OCA2: variants seen among roughly 807,000 people sequenced by gnomAD.
OCA2 encodes the protein P protein.
A neutral mutation model predicts 100.2 loss-of-function variants in OCA2; 77 were observed. That is an observed-to-expected ratio of 0.77 (90% CI 0.64 to 0.93). The LOEUF (loss-of-function observed/expected upper bound fraction) is 0.93. Among genes scored for constraint, OCA2 ranks in the 40% least tolerant of loss-of-function variants. The pLI, the probability that OCA2 is intolerant of heterozygous loss-of-function variation, is 0.00. For missense variants in OCA2, 1,062 were observed against 1,089.1 expected, an observed-to-expected ratio of 0.98 and a Z score of 0.35; for synonymous variants, 432 against 439.2, an observed-to-expected ratio of 0.98 and a Z score of 0.21.
intron 14 of OCA2, among the ~76,000 whole-genome samples, chr15:27,976,615 T>C (rs1437759993): frequency 6.6e-6 from 1 of 152,204 alleles, no homozygotes; most frequent in Non-Finnish European, 1.5e-5. Flanking sequence ...TTGGTTAAGA[T>C]GTATTACCTA....
chr15:27,865,768 C>T (rs966474724), intron 21 of OCA2, among the ~76,000 whole-genome samples: 1 of 152,134 alleles, frequency 6.6e-6, no homozygotes, highest in Non-Finnish European at 1.5e-5. Flanking sequence ...GGCAAGGAGG[C>T]GGCACTGCCT....
chr15:27,737,544 CA>C, the OCA2 span, among the ~76,000 whole-genome samples: 3 of 151,838 alleles, frequency 2.0e-5, no homozygotes, highest in African/African-American at 7.3e-5. Flanking sequence ...ATATCCATAC[CA>C]AAAAAATGCT....
At chr15:27,733,265 G>T in the OCA2 span, among the ~76,000 whole-genome samples, 3 of 152,158 alleles carry the variant, frequency 2.0e-5, no homozygotes, top group African/African-American at 7.2e-5. Flanking sequence ...CTTTGAAAAT[G>T]TAAGTAAGGT....
chr15:27,789,945 T>C (rs904617174), intron 23 of OCA2, among the ~76,000 whole-genome samples: 1 of 152,158 alleles, frequency 6.6e-6, no homozygotes, highest in African/African-American at 2.4e-5. Context: ...ATTCATCAAC[T>C]GAACTTTATC....
At chr15:27,763,056 A>G (rs2150998920) in intron 23 of OCA2, among the ~76,000 whole-genome samples, 1 of 152,336 alleles carries the variant, frequency 6.6e-6, no homozygotes, top group East Asian at 1.9e-4. Context: ...ATACTTCTAG[A>G]GCAATTGGGT....
chr15:28,031,506 C>T (rs943104014), intron 3 of OCA2, among the ~76,000 whole-genome samples: 1 of 152,246 alleles, frequency 6.6e-6, no homozygotes, highest in Non-Finnish European at 1.5e-5. Flanking sequence ...TCCAGGACAG[C>T]TCTCCTCAGG....
chr15:28,062,624 C>T (rs1444404451), intron 2 of OCA2, among the ~76,000 whole-genome samples: 1 of 152,124 alleles, frequency 6.6e-6, no homozygotes, highest in Non-Finnish European at 1.5e-5. Context: ...ATCTAAGATA[C>T]TGCATAATTC....
At chr15:27,990,745 G>T in intron 9 of OCA2, 98 bp from the exon 10 acceptor site, 1 of 978,854 alleles carries the variant, frequency 1.0e-6, no homozygotes, top group Non-Finnish European at 1.6e-6. Flanking sequence ...ATCTGCCACT[G>T]TGTACCACAT....
the OCA2 span, among the ~76,000 whole-genome samples, chr15:27,734,535 T>A: frequency 2.4e-4 from 36 of 152,236 alleles, no homozygotes; most frequent in African/African-American, 8.4e-4. Flanking sequence ...ACCAGACAGA[T>A]CCCCATGGAC....
intron 15 of OCA2, among the ~76,000 whole-genome samples, chr15:27,960,371 T>C (rs2140741631): frequency 6.6e-6 from 1 of 152,284 alleles, no homozygotes; most frequent in South Asian, 2.1e-4. Flanking sequence ...AGATATAAGA[T>C]ATATCATAAA....
intron 14 of OCA2, among the ~76,000 whole-genome samples, chr15:27,975,594 ACTTATGTGTGGG>A (rs1183412914): frequency 1.3e-5 from 2 of 151,834 alleles, no homozygotes; most frequent in African/African-American, 4.8e-5. Flanking sequence ...TCAGTAGTTC[ACTTATGTGTGGG>A]CCTGTATCTA....
chr15:28,016,249 G>A lies in OCA2; in HGVS notation c.808-63C>T, dbSNP rs987469932. 2.8e-4 allele frequency: 337 copies of A among 1,222,082 alleles called. 2 individuals carry two copies. Among genetic ancestry groups the A allele is most frequent in the Non-Finnish European group, 4.9e-5 (40 of 823,762 alleles). 75.7% of individuals were successfully genotyped at this position (1,222,082 alleles called of 1,614,324 possible). A position where few individuals can be genotyped will look rare whatever the true frequency, so the allele number is the denominator to read the frequency against. ...CACCTGAGACACCATCTGGGATCTG[G>A]CACTGCTCGGTCTAGGTATTTGTTT... On this transcript the variant is annotated intron_variant, in intron 7 of 23. Transcript: ENST00000354638.
chr15:28,081,990 C>T (rs948198777), intron 1 of OCA2, 95 bp from the exon 2 acceptor site: 47 of 1,032,070 alleles, frequency 4.6e-5, no homozygotes, highest in Middle Eastern at 2.9e-4. Context: ...GTTGCTTCTT[C>T]GGAGGCGGTC....
chr15:27,841,329 C>A (rs560647123), intron 23 of OCA2, among the ~76,000 whole-genome samples: 21 of 152,160 alleles, frequency 1.4e-4, no homozygotes, highest in Non-Finnish European at 2.8e-4. Flanking sequence ...CTGGAAAAGG[C>A]CAGCATAAGG....
At chr15:28,024,655 C>T (rs1225771161) in intron 5 of OCA2, among the ~76,000 whole-genome samples, 190 bp downstream of exon 5, 1 of 152,236 alleles carries the variant, frequency 6.6e-6, no homozygotes, top group Admixed American at 6.5e-5. Flanking sequence ...CAGAGGAGCA[C>T]AGCTGCGGCC....
At chr15:27,915,707 T>C (rs2038641513) in intron 19 of OCA2, among the ~76,000 whole-genome samples, 1 of 152,028 alleles carries the variant, frequency 6.6e-6, no homozygotes, top group South Asian at 2.1e-4. Flanking sequence ...ATAACAGATG[T>C]TGGTGAGGTT....
intron 23 of OCA2, among the ~76,000 whole-genome samples, chr15:27,789,913 G>A (rs890492222): frequency 6.6e-6 from 1 of 151,978 alleles, no homozygotes; most frequent in East Asian, 1.9e-4. Context: ...TAATACTAAA[G>A]GCATGATCCC....
intron 21 of OCA2, among the ~76,000 whole-genome samples, chr15:27,866,899 G>T (rs1452198665): frequency 6.6e-6 from 1 of 152,190 alleles, no homozygotes; most frequent in African/African-American, 2.4e-5. Context: ...TGCTCCAGAG[G>T]CCAGTCTGGA....
intron 21 of OCA2, among the ~76,000 whole-genome samples, chr15:27,859,652 T>C (rs1356684413): frequency 1.3e-5 from 2 of 152,174 alleles, no homozygotes; most frequent in African/African-American, 4.8e-5. Context: ...GAAGAGGGAA[T>C]ACTTCCTAAC....
Sources: gnomAD v4.1 joint callset for allele counts (sites outside exome capture counted in the v4.1 genomes callset) on GRCh38, gnomAD v4.1.1 for gene constraint, MANE v1.5 for transcripts, NCBI Gene and HGNC (gene_info 2026-07-23, HGNC 2026-07-21) for gene names.